FOXK2: variants seen among roughly 807,000 people sequenced by gnomAD.
FOXK2 encodes forkhead box protein K2.
Under a neutral mutation model 53.3 loss-of-function variants are expected in FOXK2, and 24 were observed. The observed-to-expected ratio is 0.45, with a 90% confidence interval of 0.33 to 0.63. The LOEUF (loss-of-function observed/expected upper bound fraction) is 0.63, where lower values mean the gene tolerates loss of function less well. Among genes scored for constraint, FOXK2 ranks in the 30% least tolerant of loss-of-function variants. The pLI, the probability that FOXK2 is intolerant of heterozygous loss-of-function variation, is 0.03. For synonymous variants in FOXK2, 505 were observed against 407.1 expected (o/e 1.24, Z -2.89); for missense variants, 952 against 910.5 (o/e 1.05, Z -0.59).
At chr17:82,589,283 CCCTT>C (rs1203021835) in intron 8 of FOXK2, among the ~76,000 whole-genome samples, 1 of 152,206 alleles carries the variant, frequency 6.6e-6, no homozygotes, top group African/African-American at 2.4e-5. Flanking sequence ...CCCAGATCCT[CCCTT>C]GTCTGTGGCC....
chr17:82,565,013 A>G (rs944189029), intron 2 of FOXK2, among the ~76,000 whole-genome samples: 19 of 152,218 alleles, frequency 1.2e-4, no homozygotes, highest in African/African-American at 4.3e-4. Flanking sequence ...TACAGGCGTG[A>G]GCCACCACGC....
At chr17:82,528,300 C>G (rs2044438350) in intron 1 of FOXK2, among the ~76,000 whole-genome samples, 1 of 152,186 alleles carries the variant, frequency 6.6e-6, no homozygotes, top group Non-Finnish European at 1.5e-5. Context: ...TGTAACTATT[C>G]CTGCTTTGTT....
At chr17:82,576,433 A>C (rs1231719034) in intron 4 of FOXK2, among the ~76,000 whole-genome samples, 1 of 152,246 alleles carries the variant, frequency 6.6e-6, no homozygotes, top group Non-Finnish European at 1.5e-5. Context: ...AAGGTGTTTC[A>C]GGAGAAATAG....
chr17:82,583,493 A>G (rs979782585), intron 5 of FOXK2, among the ~76,000 whole-genome samples: 1 of 152,254 alleles, frequency 6.6e-6, no homozygotes, highest in African/African-American at 2.4e-5. Context: ...GATTGCAGTG[A>G]GCCGAGATTG....
chr17:82,538,498 A>G (rs777430533), intron 1 of FOXK2, among the ~76,000 whole-genome samples: 1 of 152,202 alleles, frequency 6.6e-6, no homozygotes, highest in Non-Finnish European at 1.5e-5. Flanking sequence ...TTAAAACAAC[A>G]TTAAGCTCAT....
At chr17:82,596,023 C>A (rs1340929779) in intron 8 of FOXK2, 1 of 1,144,968 alleles carries the variant, frequency 8.7e-7, no homozygotes, top group South Asian at 1.8e-5. Flanking sequence ...AGTCACACTG[C>A]GCGTCTGTGC....
At chr17:82,596,500 G>A (rs112838111) in intron 8 of FOXK2, among the ~76,000 whole-genome samples, 1 of 152,272 alleles carries the variant, frequency 6.6e-6, no homozygotes, top group African/African-American at 2.4e-5. Context: ...CCCTCGTCAC[G>A]CCCCGGGACC....
intron 4 of FOXK2, among the ~76,000 whole-genome samples, chr17:82,573,635 C>T (rs979345976): frequency 1.3e-5 from 2 of 150,622 alleles, no homozygotes; most frequent in African/African-American, 2.4e-5. Context: ...TTCCAGTGAC[C>T]ATGGCTTTAT....
At chr17:82,586,637 C>T (rs1372389522) in intron 7 of FOXK2, among the ~76,000 whole-genome samples, 1 of 151,960 alleles carries the variant, frequency 6.6e-6, no homozygotes, top group Non-Finnish European at 1.5e-5. Context: ...TACAGTGGCT[C>T]ACACCTGTAA....
At chr17:82,563,669 AAT>A (rs1426117261) in intron 2 of FOXK2, 121 bp downstream of exon 2, 7 of 824,474 alleles carry the variant, frequency 8.5e-6, no homozygotes, top group Non-Finnish European at 1.2e-5. Context: ...TGGTGTTTAA[AAT>A]ATCATTGGAT....
intron 1 of FOXK2, among the ~76,000 whole-genome samples, chr17:82,558,708 A>C (rs1365575391): frequency 6.6e-6 from 1 of 151,786 alleles, no homozygotes; most frequent in African/African-American, 2.4e-5. Flanking sequence ...TAAATATAGC[A>C]CAGTGGACAC....
At chr17:82,571,326 C>A (rs573045581) in intron 3 of FOXK2, among the ~76,000 whole-genome samples, 3 of 152,094 alleles carry the variant, frequency 2.0e-5, no homozygotes, top group Non-Finnish European at 4.4e-5. Flanking sequence ...TCAGGCTGGG[C>A]GCAGTGGCTC....
At chr17:82,547,113 A>C (rs1293629663) in intron 1 of FOXK2, among the ~76,000 whole-genome samples, 3 of 151,912 alleles carry the variant, frequency 2.0e-5, no homozygotes, top group Non-Finnish European at 2.9e-5. Flanking sequence ...GAAAGAAAGA[A>C]TACACTGATC....
chr17:82,532,105 T>C (rs1170616583), intron 1 of FOXK2, among the ~76,000 whole-genome samples: 3 of 151,134 alleles, frequency 2.0e-5, no homozygotes, highest in African/African-American at 4.9e-5. Context: ...TACCTTGGCC[T>C]CCCTAAGTGC....
intron 1 of FOXK2, among the ~76,000 whole-genome samples, chr17:82,530,296 G>A (rs1269648638): frequency 6.6e-6 from 1 of 151,942 alleles, no homozygotes; most frequent in Non-Finnish European, 1.5e-5. Context: ...TTCGAGACCA[G>A]CCTGACCAAC....
chr17:82,598,262 ATTAT>A (rs751857209), intron 8 of FOXK2, among the ~76,000 whole-genome samples: 7 of 152,084 alleles, frequency 4.6e-5, no homozygotes, highest in African/African-American at 9.7e-5. Context: ...CCTTTTAAAA[ATTAT>A]TTATTTTTTA....
chr17:82,586,073 C>T lies in FOXK2; in HGVS notation c.1449C>T (p.Thr483=). Residue 483 remains threonine, a synonymous_variant, in exon 7 of 9, where the codon ACC becomes ACT. Transcript: ENST00000335255. ...ACCAGATCCCAGCGGTGTCGGTCAC[C>T]AGTGTGGCCGGACTGGCCCCAGCGA... ...VVHQIPAVSV[T]SVAGLAPANT... The T allele has an allele frequency of 6.2e-7, 1 of 1,612,798 alleles. No homozygotes were observed. The highest frequency in any genetic ancestry group is 8.5e-7 in the Non-Finnish European group (1 of 1,179,976).
rs2044871954 is a variant in FOXK2, at chr17:82,568,099, A to G, written c.660A>G (p.Ser220=). 1.9e-6 allele frequency: 3 copies of G among 1,612,942 alleles called. No individual in the cohort carries two copies. The highest frequency in any genetic ancestry group is 2.5e-6 in the Non-Finnish European group (3 of 1,179,776). The change falls in exon 3 of 9, where the codon TCA becomes TCG. Residue 220 remains serine, a synonymous_variant. Transcript: ENST00000335255. ...CCAGCCCCCGGGGAGCGGGGTCTTC[A>G]GGGTACAAGGTGGGCCGAGTGATGC... ...CPSSPRGAGS[S]GYKVGRVMPS... is the part of the protein sequence containing the mutation.
At chr17:82,598,791 C>T (rs2045346465) in intron 8 of FOXK2, 1 of 152,244 alleles carries the variant, frequency 6.6e-6, no homozygotes, top group Non-Finnish European at 1.5e-5. Flanking sequence ...GCAGTGACCT[C>T]ATCTCATTCA....
Sources: allele counts gnomAD v4.1 joint callset (sites outside exome capture counted in the v4.1 genomes callset), GRCh38; gene constraint gnomAD v4.1.1; transcripts MANE v1.5; gene names NCBI Gene and HGNC (gene_info 2026-07-23, HGNC 2026-07-21).